The following C14orf39 variants were observed in gnomAD, a reference collection of about 807,000 sequenced individuals.
C14orf39 encodes the protein chromosome 14 open reading frame 39, also known as protein SIX6OS1.
C14orf39 carries 66 observed loss-of-function variants against 85.6 expected under a neutral mutation model. The observed-to-expected ratio is 0.77, with a 90% confidence interval of 0.63 to 0.95. C14orf39 has a LOEUF of 0.95. C14orf39 is among the 40% of genes least tolerant of loss of function. C14orf39 has a pLI of 0.00. For missense variants in C14orf39, 735 were observed against 663.9 expected (o/e 1.11, Z -1.18); for synonymous variants, 242 against 214.0 (o/e 1.13, Z -1.14).
chr14:60,511,380 G>C (rs1893292422), intron 1 of C14orf39: 11 of 1,186,352 alleles, frequency 9.3e-6, no homozygotes, highest in South Asian at 2.6e-5. Context: ...GGGACCCGCG[G>C]GCTCGGGTTG....
rs1566662577 is a variant in C14orf39 at position 60,456,944 on chromosome 14, T to C, written c.1331A>G (p.Lys444Arg). The change falls in exon 15 of 18, where the codon AAA (lysine) becomes AGA (arginine). Residue 444 changes from lysine to arginine, a missense_variant. Transcript: ENST00000321731. ...TTCGAACGGGGGGGTTTTAGGGAATTTTATTTTCTCCAATGACTCAGGTGC... is the reference window on the plus strand; with the variant it reads ...TTCGAACGGGGGGGTTTTAGGGAATCTTATTTTCTCCAATGACTCAGGTGC... ...VKAPESLEKIKFPKTPPFEIN... is the reference protein window; with the variant it reads ...VKAPESLEKIRFPKTPPFEIN... 4.4e-6 allele frequency: 7 copies of C among 1,586,718 alleles called. No homozygotes were observed. In the South Asian group the frequency reaches 5.8e-5, roughly 13 times the overall value.
intron 17 of C14orf39, among the ~76,000 whole-genome samples, chr14:60,441,350 C>T (rs1005199870): frequency 6.6e-6 from 1 of 152,022 alleles, no homozygotes; most frequent in African/African-American, 2.4e-5. Flanking sequence ...GTGGCAGTGG[C>T]AAAAGAAGGT....
chr14:60,502,968 C>T (rs957337091), intron 1 of C14orf39, among the ~76,000 whole-genome samples: 2 of 152,214 alleles, frequency 1.3e-5, no homozygotes, highest in Admixed American at 6.5e-5. Context: ...CTGTAATAGA[C>T]TTCTGTAGTT....
chr14:60,494,087 G>T, intron 2 of C14orf39: 1 of 299,278 alleles, frequency 3.3e-6, no homozygotes, highest in South Asian at 4.4e-5. Flanking sequence ...GGCCACCATT[G>T]AGCATGCTGA....
At chr14:60,471,760 G>A (rs1892095958) in intron 5 of C14orf39, 21 bp from the exon 6 acceptor site, 1 of 1,385,530 alleles carries the variant, frequency 7.2e-7, no homozygotes, top group South Asian at 1.4e-5. Flanking sequence ...TAAAAGAAAT[G>A]ATGTTTATAT....
At chr14:60,457,556 CAAT>C (rs1891336114) in intron 14 of C14orf39, among the ~76,000 whole-genome samples, 1 of 152,066 alleles carries the variant, frequency 6.6e-6, no homozygotes, top group South Asian at 2.1e-4. Context: ...ACTTTCTCTA[CAAT>C]AATTGAGAAT....
intron 1 of C14orf39, among the ~76,000 whole-genome samples, chr14:60,504,003 C>T (rs967787558): frequency 1.1e-4 from 16 of 152,070 alleles, no homozygotes; most frequent in Non-Finnish European, 1.3e-4. Flanking sequence ...GTCTGGGGGA[C>T]CACTGTTCTG....
chr14:60,462,682 TCAACCCACGGCCTGCAGGCTGCATG>T (rs1169237225), intron 11 of C14orf39, among the ~76,000 whole-genome samples: 1 of 152,114 alleles, frequency 6.6e-6, no homozygotes, highest in African/African-American at 2.4e-5. Context: ...CCAAGCTTGT[TCAACCCACGGCCTGCAGGCTGCATG>T]CAGTCCAAAA....
intron 16 of C14orf39, among the ~76,000 whole-genome samples, chr14:60,454,487 T>C (rs1204346637): frequency 6.6e-6 from 1 of 152,008 alleles, no homozygotes; most frequent in Admixed American, 6.6e-5. Flanking sequence ...ACCACTACAC[T>C]GTAATGTTTC....
At chr14:60,458,639 A>T in intron 14 of C14orf39, 39 bp downstream of exon 14, 1 of 1,444,124 alleles carries the variant, frequency 6.9e-7, no homozygotes, top group Non-Finnish European at 9.6e-7. Flanking sequence ...TTAAATTGGA[A>T]TTTTTGCTTA....
At chr14:60,486,431 C>A (rs1161417524), upstream of C14orf39, among the ~76,000 whole-genome samples, 2 of 152,122 alleles carry the variant, frequency 1.3e-5, no homozygotes, top group Non-Finnish European at 1.5e-5. Context: ...ATTCAATAAT[C>A]AAAATTCAAT....
At chr14:60,495,459 T>C (rs1893056659) in intron 2 of C14orf39, 1 of 170,868 alleles carries the variant, frequency 5.9e-6, no homozygotes, top group Non-Finnish European at 1.3e-5. Flanking sequence ...AAGGGAGATT[T>C]TGAGGTACAC....
At chr14:60,476,971 C>A (rs939228223) in intron 5 of C14orf39, among the ~76,000 whole-genome samples, 2 of 152,138 alleles carry the variant, frequency 1.3e-5, no homozygotes, top group African/African-American at 4.8e-5. Flanking sequence ...AACAAATGTG[C>A]GGGATACATA....
intron 5 of C14orf39, 92 bp from the exon 6 acceptor site, chr14:60,471,831 C>T: frequency 1.4e-6 from 1 of 701,710 alleles, no homozygotes; most frequent in Non-Finnish European, 2.3e-6. Context: ...ACATAAAAGG[C>T]AAATCAAATG....
At chr14:60,445,860 G>A (rs1311101089) in intron 16 of C14orf39, among the ~76,000 whole-genome samples, 1 of 152,082 alleles carries the variant, frequency 6.6e-6, no homozygotes, top group Admixed American at 6.6e-5. Flanking sequence ...ACAACAAACT[G>A]TCTCTCAGAC....
chr14:60,486,877 TA>T (rs1209573163), upstream of C14orf39, among the ~76,000 whole-genome samples: 23 of 152,232 alleles, frequency 1.5e-4, no homozygotes, highest in Non-Finnish European at 2.6e-4. Context: ...TAGTTGGTAT[TA>T]ATATTCAACA....
At position 60,437,874 on chromosome 14, in the gene C14orf39, A is replaced by G. The variant is rs1890329379; in HGVS notation, c.1562-827T>C. 1.3e-5 allele frequency among the ~76,000 whole-genome samples: 2 copies of G among 151,992 alleles called. 1 individual carries two copies. The highest frequency in any genetic ancestry group is 4.1e-4 in the South Asian group (2 of 4,828). ...AATTTTTAAAATAAGCTTTAAATGT[A>G]GCTCTGGTTGATGAAGCCCAGAATT... On this transcript the variant is annotated intron_variant, in intron 17 of 17. Transcript: ENST00000321731.
chr14:60,496,404 G>T, intron 2 of C14orf39: 1 of 322,960 alleles, frequency 3.1e-6, no homozygotes, highest in Non-Finnish European at 6.2e-6. Context: ...TGGGGTGTGG[G>T]TGGCAGGGCA....
chr14:60,436,840 C>G lies in C14orf39; in HGVS notation c.*5G>C, dbSNP rs773558042. 4.4e-6 allele frequency: 7 copies of G among 1,578,240 alleles called. No individual in the cohort carries two copies. Among genetic ancestry groups the G allele is most frequent in the South Asian group, 2.3e-5 (2 of 87,974 alleles). ...GTAAAATAATTTAAGGAATTAATGA[C>G]TAGCTCAAAAAAAAGTAAACTGTGT... On this transcript the variant is annotated 3_prime_UTR_variant, in exon 18 of 18. Transcript: ENST00000321731.
Sources: gnomAD v4.1 joint callset for allele counts (sites outside exome capture counted in the v4.1 genomes callset) on GRCh38, gnomAD v4.1.1 for gene constraint, MANE v1.5 for transcripts, NCBI Gene and HGNC (gene_info 2026-07-23, HGNC 2026-07-21) for gene names.